ZNF780B: variants seen among roughly 807,000 people sequenced by gnomAD.
The protein encoded by ZNF780B is zinc finger protein 779.
In ZNF780B, 52 loss-of-function variants were observed where a neutral mutation model predicts 74.1. The observed-to-expected ratio is 0.70, with a 90% CI of 0.56 to 0.88. ZNF780B has a LOEUF of 0.88. ZNF780B is among the 40% of genes least tolerant of loss of function. ZNF780B has a pLI of 0.00. For synonymous variants in ZNF780B, 315 were observed against 324.3 expected (o/e 0.97, Z 0.31); for missense variants, 953 against 1,007.6 (o/e 0.95, Z 0.73).
chr19:40,045,113 T>C (rs751536605), intron 4 of ZNF780B, among the ~76,000 whole-genome samples: 16 of 152,200 alleles, frequency 1.1e-4, no homozygotes, highest in Non-Finnish European at 1.8e-4. Context: ...AAGGTCATCA[T>C]ATAATGATAA....
At chr19:40,053,186 G>T (rs964414604) in intron 1 of ZNF780B, among the ~76,000 whole-genome samples, 8 of 152,092 alleles carry the variant, frequency 5.3e-5, no homozygotes, top group African/African-American at 1.9e-4. Context: ...TATCTAATAA[G>T]GGGTTAATAT....
At chr19:40,048,171 G>C (rs1453157349) in intron 3 of ZNF780B, among the ~76,000 whole-genome samples, 1 of 152,136 alleles carries the variant, frequency 6.6e-6, no homozygotes, top group African/African-American at 2.4e-5. Context: ...TTGAGACAGT[G>C]TCTTGCTCTG....
rs1249413725 is a variant in ZNF780B, at chr19:40,030,107, T to C, written c.*4250A>G. 1 of 152,190 alleles carries C rather than the reference T, an allele frequency of 6.6e-6. No homozygotes were observed. The highest frequency in any genetic ancestry group is 2.4e-5 in the African/African-American group (1 of 41,436). The allele number at this position is 152,190 out of a possible 1,614,324, so 9.4% of individuals were successfully genotyped here. ...TCTGACTGAGTATGTCTTAGTTTTG[T>C]GTTGCTATAAAGGAATGTCTGAGGT... On this transcript the variant is annotated 3_prime_UTR_variant, in exon 5 of 5. Coordinates refer to ENST00000434248, the MANE Select transcript of ZNF780B (RefSeq NM_001005851.3).
intron 1 of ZNF780B, among the ~76,000 whole-genome samples, chr19:40,053,321 T>C (rs1376032160): frequency 6.6e-6 from 1 of 152,214 alleles, no homozygotes; most frequent in Non-Finnish European, 1.5e-5. Flanking sequence ...ATACTCAACA[T>C]TACTAATCAT....
intron 1 of ZNF780B, among the ~76,000 whole-genome samples, chr19:40,051,641 G>C (rs1973239705): frequency 6.6e-6 from 1 of 152,162 alleles, no homozygotes; most frequent in South Asian, 2.1e-4. Flanking sequence ...AAAAAACTGT[G>C]CCTGTCATGA....
intron 3 of ZNF780B, 108 bp downstream of exon 3, chr19:40,048,562 A>G: frequency 6.5e-7 from 1 of 1,544,688 alleles, no homozygotes; most frequent in Non-Finnish European, 8.9e-7. Context: ...TTCGGGAATA[A>G]GAAGAAGGAA....
At chr19:40,040,611 A>G (rs1972590567) in intron 4 of ZNF780B, among the ~76,000 whole-genome samples, 1 of 152,042 alleles carries the variant, frequency 6.6e-6, no homozygotes, top group African/African-American at 2.4e-5. Context: ...CTATTCAGAG[A>G]TTCAACTTCT....
At chr19:40,054,400 C>G (rs1973383817) in intron 1 of ZNF780B, among the ~76,000 whole-genome samples, 1 of 152,040 alleles carries the variant, frequency 6.6e-6, no homozygotes, top group Admixed American at 6.5e-5. Flanking sequence ...GTGTTCTCAC[C>G]ACAAAAATGA....
chr19:40,034,572 T>G lies in ZNF780B; in HGVS notation c.2287A>C (p.Asn763His). The G allele has an allele frequency of 6.2e-7, 1 of 1,613,356 alleles. No individual in the cohort carries two copies. Among genetic ancestry groups the G allele is most frequent in the South Asian group, 1.1e-5 (1 of 91,030 alleles). ...FKCKECGKAF[N>H]RGSNLVQPQS... ...GGTTGAACAAGGTTTGAGCCACGATTAAAGGCCTTCCCACACTCCTTACAT... is the reference window on the plus strand; with the variant it reads ...GGTTGAACAAGGTTTGAGCCACGATGAAAGGCCTTCCCACACTCCTTACAT... The change falls in exon 5 of 5, where the codon AAT becomes CAT. Residue 763 changes from asparagine to histidine, a missense_variant. Physicochemically the swap from Asn to His is moderately conservative, Grantham distance 68 (BLOSUM62 1). Coordinates refer to ENST00000434248, the MANE Select transcript of ZNF780B (RefSeq NM_001005851.3).
chr19:40,043,696 C>A (rs991534662), intron 4 of ZNF780B, among the ~76,000 whole-genome samples: 1 of 152,334 alleles, frequency 6.6e-6, no homozygotes, highest in African/African-American at 2.4e-5. Context: ...GGGCATAGGA[C>A]CCTCCGAGCC....
rs764610231 is a variant in ZNF780B, at chr19:40,035,708, G to T, written c.1151C>A (p.Thr384Lys). The change falls in exon 5 of 5, where the codon ACA (threonine) becomes AAA (lysine). Residue 384 changes from threonine (T) to lysine (K), a missense_variant. Transcript: ENST00000434248. The part of the protein sequence containing the change: ...NQLNRHKNIH[T>K]GEKPFECKEC... Reference sequence around the variant, plus strand: ...TTTACATTCAAATGGTTTTTCACCTGTGTGAATATTCTTATGGCGATTAAG... The same window carrying T: ...TTTACATTCAAATGGTTTTTCACCTTTGTGAATATTCTTATGGCGATTAAG... 6.2e-7 allele frequency: 1 copy of T among 1,614,086 alleles called. No homozygotes were observed. Among genetic ancestry groups the T allele is most frequent in the Admixed American group, 1.7e-5 (1 of 60,006 alleles).
Position 40,034,799 on chromosome 19 carries a change from T to C in ZNF780B, c.2060A>G (p.His687Arg), listed in dbSNP as rs538594298. Residue 687 changes from histidine (H) to arginine (R), a missense_variant, in exon 5 of 5, where the codon CAT becomes CGT. Physicochemically the swap from His to Arg is conservative, Grantham distance 29. Coordinates refer to ENST00000434248, the MANE Select transcript of ZNF780B (RefSeq NM_001005851.3). ...GFSRVSNLIQ[H>R]QKTHSSAKPF... ...TTTCGCACTGGAATGAGTTTTCTGATGCTGAATAAGGTTTGAAACACGACT... is the reference window on the plus strand; with the variant it reads ...TTTCGCACTGGAATGAGTTTTCTGACGCTGAATAAGGTTTGAAACACGACT... 1 of 1,614,006 alleles carries C rather than the reference T, an allele frequency of 6.2e-7. No individual in the cohort carries two copies. Among genetic ancestry groups the C allele is most frequent in the Non-Finnish European group, 8.5e-7 (1 of 1,179,978 alleles).
chr19:40,041,231 A>T (rs2144759430), intron 4 of ZNF780B, among the ~76,000 whole-genome samples: 1 of 152,274 alleles, frequency 6.6e-6, no homozygotes, highest in South Asian at 2.1e-4. Context: ...TGAGTTTCTT[A>T]ATCCTGAGTT....
Position 40,031,790 on chromosome 19 carries a change from A to T in ZNF780B, c.*2567T>A, listed in dbSNP as rs1229433628. 8.3e-6 allele frequency: 2 copies of T among 240,760 alleles called. No individual in the cohort carries two copies. The highest frequency in any genetic ancestry group is 4.5e-5 in the African/African-American group (2 of 44,650). 14.9% of individuals were successfully genotyped at this position (240,760 alleles called of 1,614,324 possible). A position where few individuals can be genotyped will look rare whatever the true frequency, so the allele number is the denominator to read the frequency against. On this transcript the variant is annotated 3_prime_UTR_variant, in exon 5 of 5. Coordinates refer to ENST00000434248, the MANE Select transcript of ZNF780B (RefSeq NM_001005851.3). The stretch of plus-strand genomic sequence containing the variant: ...CTATTTCAATTTTCATTTTGTATTC[A>T]ATCCAGGGCTTAAGTACACGTGACT...
rs1972343103 is a variant in ZNF780B at position 40,036,715 on chromosome 19, A to G, written c.233-89T>C. 3.8e-6 allele frequency: 3 copies of G among 779,594 alleles called. No homozygotes were observed. In the East Asian group the frequency reaches 8.5e-5, roughly 22 times the overall value. 48.3% of individuals were successfully genotyped at this position (779,594 alleles called of 1,614,324 possible). ...ATTAAACAAATGGCCTAAGTATAAA[A>G]TATAATACTTTCAGGGAAGGGATCT... On this transcript the variant is annotated intron_variant, in intron 4 of 4. Coordinates refer to ENST00000434248, the MANE Select transcript of ZNF780B (RefSeq NM_001005851.3).
Position 40,034,020 on chromosome 19 carries a change from T to G in ZNF780B, c.*337A>C. On this transcript the variant is annotated 3_prime_UTR_variant, in exon 5 of 5. Transcript: ENST00000434248. ...TTCCACATTCTTTACACTCACAGGGTTTCTCAGCAGTACGGATTCTCAGAT... is the reference window on the plus strand; with the variant it reads ...TTCCACATTCTTTACACTCACAGGGGTTCTCAGCAGTACGGATTCTCAGAT... 1 of 327,616 alleles carries G rather than the reference T, an allele frequency of 3.1e-6. No individual in the cohort carries two copies. Among genetic ancestry groups the G allele is most frequent in the Non-Finnish European group, 5.8e-6 (1 of 171,760 alleles). The allele number at this position is 327,616 out of a possible 1,614,324, so 20.3% of individuals were successfully genotyped here. A position where few individuals can be genotyped will look rare whatever the true frequency, so the allele number is the denominator to read the frequency against.
chr19:40,046,036 CT>C (rs1398937871), intron 4 of ZNF780B, among the ~76,000 whole-genome samples: 2 of 151,478 alleles, frequency 1.3e-5, no homozygotes, highest in African/African-American at 4.9e-5. Context: ...TATCTGGAGG[CT>C]AAAAAAAGAT....
intron 4 of ZNF780B, among the ~76,000 whole-genome samples, chr19:40,039,836 T>C (rs961345934): frequency 2.6e-5 from 4 of 151,918 alleles, no homozygotes; most frequent in Admixed American, 1.3e-4. Context: ...TTTCTAGATA[T>C]ACAATCATGT....
At chr19:40,039,400 T>C (rs1174261852) in intron 4 of ZNF780B, among the ~76,000 whole-genome samples, 1 of 152,164 alleles carries the variant, frequency 6.6e-6, no homozygotes, top group African/African-American at 2.4e-5. Flanking sequence ...TGCGGGCTCT[T>C]TTTTGGTTCC....
Sources: allele counts gnomAD v4.1 joint callset (sites outside exome capture counted in the v4.1 genomes callset), GRCh38; gene constraint gnomAD v4.1.1; transcripts MANE v1.5; gene names NCBI Gene and HGNC (gene_info 2026-07-23, HGNC 2026-07-21).